The following OTOP3 variants were observed in gnomAD, a reference collection of about 807,000 sequenced individuals.
The protein encoded by OTOP3 is otopetrin 3.
In OTOP3, 41 loss-of-function variants were observed where a neutral mutation model predicts 50.8. The ratio of observed to expected loss-of-function variants is 0.81; its 90% confidence interval spans 0.63 to 1.05. The LOEUF (loss-of-function observed/expected upper bound fraction) is 1.05. Ranked by LOEUF, OTOP3 falls within the 50% of genes least tolerant of loss-of-function variation. The pLI, the probability that OTOP3 is intolerant of heterozygous loss-of-function variation, is 0.00. For missense variants in OTOP3, 788 were observed against 760.8 expected (o/e 1.04, Z -0.42); for synonymous variants, 320 against 324.4 (o/e 0.99, Z 0.14).
chr17:74,939,556 G>A (rs2039150711), intron 1 of OTOP3, among the ~76,000 whole-genome samples: 1 of 152,176 alleles, frequency 6.6e-6, no homozygotes, highest in Non-Finnish European at 1.5e-5. Context: ...GGTGGGGAGA[G>A]CATGCTGGAC....
Position 74,943,273 on chromosome 17 carries a change from C to T in OTOP3, c.574-13C>T, listed in dbSNP as rs1201987122. Reference sequence around the variant, plus strand: ...TCCACCAGCCCCTGGGCTCAAGGCCCTGTCTCTTTCAGACCTGGGTGCTCT... The same window carrying T: ...TCCACCAGCCCCTGGGCTCAAGGCCTTGTCTCTTTCAGACCTGGGTGCTCT... On this transcript the variant is annotated splice_polypyrimidine_tract_variant and intron_variant, in intron 3 of 6. Coordinates refer to ENST00000328801, the MANE Select transcript of OTOP3 (RefSeq NM_001272005.2). The T allele has an allele frequency of 3.1e-6, 5 of 1,614,052 alleles. No homozygotes were observed. In the African/African-American group the frequency reaches 5.3e-5, roughly 17 times the overall value.
chr17:74,948,038 T>C (rs1338006422), intron 6 of OTOP3, among the ~76,000 whole-genome samples: 1 of 152,192 alleles, frequency 6.6e-6, no homozygotes, highest in East Asian at 1.9e-4. Context: ...AAGCAATCAA[T>C]GCACTGAAAA....
At chr17:74,943,875 T>C in intron 5 of OTOP3, 151 bp downstream of exon 5, 1 of 697,970 alleles carries the variant, frequency 1.4e-6, no homozygotes. Flanking sequence ...AGATTAGGAA[T>C]CAACAGAAAA....
At chr17:74,942,133 C>T (rs2039183232) in intron 3 of OTOP3, 96 bp downstream of exon 3, 6 of 1,447,248 alleles carry the variant, frequency 4.1e-6, no homozygotes, top group Non-Finnish European at 4.6e-6. Context: ...GGAACAGCCA[C>T]ACAGGCAAAT....
Position 74,948,973 on chromosome 17 carries a change from G to A in OTOP3, c.1567-273G>A, listed in dbSNP as rs180698093. Among the ~76,000 whole-genome samples, 378 of 152,314 alleles carry A rather than the reference G, an allele frequency of 2.5e-3. 2 individuals carry two copies. In the South Asian group the frequency reaches 0.027, roughly 11 times the overall value. On this transcript the variant is annotated intron_variant, in intron 6 of 6. Coordinates refer to ENST00000328801, the MANE Select transcript of OTOP3 (RefSeq NM_001272005.2). Reference sequence around the variant, plus strand: ...ATTCCTGCTTCTCCCCACACGTGGCGGCAGCCTGGGGTCTCCTGACCCATC... The same window carrying A: ...ATTCCTGCTTCTCCCCACACGTGGCAGCAGCCTGGGGTCTCCTGACCCATC...
Position 74,946,705 on chromosome 17 carries a change from G to T in OTOP3, c.796G>T (p.Glu266Ter). ...TCTGTGCCTCAATGCCACCGCGTGT[G>T]AAGCTTTCCGGAGAGGCTTCCTGAT... ...TCLCLNATAC[E>*]AFRRGFLMLY... Residue 266 changes from glutamate (E) to a stop codon, truncating the protein, a stop_gained, in exon 6 of 7, where the codon GAA becomes TAA. Coordinates refer to ENST00000328801, the MANE Select transcript of OTOP3 (RefSeq NM_001272005.2). LOFTEE classifies it high-confidence loss of function. 6.2e-7 allele frequency: 1 copy of T among 1,612,968 alleles called. No individual in the cohort carries two copies.
rs376609781 is a variant in OTOP3, at chr17:74,947,157, C to T, written c.1248C>T (p.Ile416=). 8.4e-5 allele frequency: 135 copies of T among 1,613,922 alleles called. No homozygotes were observed. Among genetic ancestry groups the T allele is most frequent in the Admixed American group, 1.8e-4 (11 of 60,012 alleles). The change falls in exon 6 of 7, where the codon ATC becomes ATT. Residue 416 remains isoleucine (I), a synonymous_variant. Transcript: ENST00000328801. ...LGQMGIAYFS[I]VAIVAKRPHE... is the part of the protein sequence containing the mutation. ...AGATGGGCATCGCCTATTTCTCCAT[C>T]GTGGCCATTGTGGCCAAGCGCCCGC...
At chr17:74,936,656 G>A (rs997896488) in intron 1 of OTOP3, among the ~76,000 whole-genome samples, 6 of 152,192 alleles carry the variant, frequency 3.9e-5, no homozygotes, top group African/African-American at 1.4e-4. Context: ...TGGACTTCAG[G>A]GTGGGAGACG....
In OTOP3 at chr17:74,935,944, A is replaced by AG. The variant is rs1254457992; in HGVS notation, c.19+5dup. 1 of 1,542,972 alleles carries AG rather than the reference A, an allele frequency of 6.5e-7. No homozygotes were observed. The highest frequency in any genetic ancestry group is 8.7e-7 in the Non-Finnish European group (1 of 1,146,698). The stretch of plus-strand genomic sequence containing the variant: ...GCGATGCCTCTCCCGGCCTCAGGTA[A>AG]GCCCGGAGCGCCGGCGGAACTTTCC... On this transcript the variant is annotated splice_donor_region_variant and intron_variant, in intron 1 of 6. Transcript: ENST00000328801.
chr17:74,943,548 G>C, intron 4 of OTOP3, 58 bp from the exon 5 acceptor site: 1 of 1,542,950 alleles, frequency 6.5e-7, no homozygotes, highest in Non-Finnish European at 9.0e-7. Context: ...GGATGGTGAG[G>C]GTTTGGCACC....
Position 74,935,933 on chromosome 17 carries a change from G to C in OTOP3, c.12G>C (p.Pro4=). MPL[P]ASAPAEATPM... is the part of the protein sequence containing the mutation. The stretch of plus-strand genomic sequence containing the variant: ...GTTAGCCCACGGCGATGCCTCTCCC[G>C]GCCTCAGGTAAGCCCGGAGCGCCGG... The change falls in exon 1 of 7, where the codon CCG becomes CCC. Residue 4 remains proline (P), a synonymous_variant. Coordinates refer to ENST00000328801, the MANE Select transcript of OTOP3 (RefSeq NM_001272005.2). The C allele has an allele frequency of 3.9e-6, 6 of 1,544,454 alleles. No individual in the cohort carries two copies. Among genetic ancestry groups the C allele is most frequent in the Non-Finnish European group, 5.2e-6 (6 of 1,146,698 alleles).
At chr17:74,943,414 C>A in intron 4 of OTOP3, 70 bp downstream of exon 4, 1 of 1,541,980 alleles carries the variant, frequency 6.5e-7, no homozygotes, top group Non-Finnish European at 9.0e-7. Flanking sequence ...GTCAGGGTGG[C>A]CGCGGGGCTA....
intron 1 of OTOP3, among the ~76,000 whole-genome samples, chr17:74,937,296 A>G (rs2039128905): frequency 6.6e-6 from 1 of 152,100 alleles, no homozygotes; most frequent in African/African-American, 2.4e-5. Context: ...AGCATCTACT[A>G]TGCACCAGCT....
Position 74,948,969 on chromosome 17 carries a change from T to C in OTOP3, c.1567-277T>C, listed in dbSNP as rs141761363. Among the ~76,000 whole-genome samples, 1,302 of 152,338 alleles carry C rather than the reference T, an allele frequency of 8.5e-3. 25 individuals are homozygous for C. The highest frequency in any genetic ancestry group is 0.03 in the African/African-American group (1,228 of 41,572). ...GGGAATTCCTGCTTCTCCCCACACG[T>C]GGCGGCAGCCTGGGGTCTCCTGACC... is the stretch of plus-strand genomic sequence containing the variant. On this transcript the variant is annotated intron_variant, in intron 6 of 6. Transcript: ENST00000328801.
chr17:74,945,405 C>T (rs572378156), intron 5 of OTOP3, among the ~76,000 whole-genome samples: 27 of 152,298 alleles, frequency 1.8e-4, no homozygotes, highest in African/African-American at 5.1e-4. Flanking sequence ...CTTTTACAGA[C>T]GGTTTGTTCA....
At chr17:74,940,119 A>G (rs991443221) in intron 1 of OTOP3, among the ~76,000 whole-genome samples, 1 of 141,302 alleles carries the variant, frequency 7.1e-6, no homozygotes, top group African/African-American at 2.8e-5. Context: ...ACACACACAC[A>G]CACACACACA....
upstream of OTOP3, chr17:74,935,813 A>G (rs1026313947): frequency 2.6e-6 from 4 of 1,515,710 alleles, no homozygotes; most frequent in South Asian, 4.8e-5. Flanking sequence ...TGGGCCGCGG[A>G]GCCCGAGCGG....
Position 74,947,447 on chromosome 17 carries a change from C to CA in OTOP3, c.1539dup (p.Leu514ThrfsTer23). The CA allele has an allele frequency of 6.2e-7, 1 of 1,608,584 alleles. No homozygotes were observed. Among genetic ancestry groups the CA allele is most frequent in the Non-Finnish European group, 8.5e-7 (1 of 1,177,182 alleles). ...AAGCGGAGGGCACTCAAGGAGATCTCACTCTTCCTCATCCTCTGCAATATC... is the reference window on the plus strand; with the variant it reads ...AAGCGGAGGGCACTCAAGGAGATCTCAACTCTTCCTCATCCTCTGCAATATC... On this transcript the variant is annotated frameshift_variant, in exon 6 of 7. Coordinates refer to ENST00000328801, the MANE Select transcript of OTOP3 (RefSeq NM_001272005.2). LOFTEE classifies it high-confidence loss of function.
intron 1 of OTOP3, among the ~76,000 whole-genome samples, chr17:74,938,901 C>T (rs77161176): frequency 6.6e-6 from 1 of 151,822 alleles, no homozygotes; most frequent in African/African-American, 2.4e-5. Flanking sequence ...GGCATGGTGG[C>T]TTACACCTGT....
Sources: allele counts gnomAD v4.1 joint callset (sites outside exome capture counted in the v4.1 genomes callset), GRCh38; gene constraint gnomAD v4.1.1; transcripts MANE v1.5; gene names NCBI Gene and HGNC (gene_info 2026-07-23, HGNC 2026-07-21).